SGPP2: variants seen among roughly 807,000 people sequenced by gnomAD.
SGPP2 encodes the protein sphingosine 1-phosphate phosphohydrolase 2.
A neutral mutation model predicts 33.9 loss-of-function variants in SGPP2; 30 were observed. The ratio of observed to expected loss-of-function variants is 0.89; its 90% CI spans 0.66 to 1.20. SGPP2 has a LOEUF of 1.20. Ranked by LOEUF, SGPP2 falls within the 50% of genes most tolerant of loss-of-function variation. The pLI, the probability that SGPP2 is intolerant of heterozygous loss-of-function variation, is 0.00. For missense variants in SGPP2, 458 were observed against 532.1 expected, an observed-to-expected ratio of 0.86 and a Z score of 1.37; for synonymous variants, 233 against 225.0, an observed-to-expected ratio of 1.04 and a Z score of -0.32.
At chr2:222,539,951 G>T (rs573575912) in intron 4 of SGPP2, among the ~76,000 whole-genome samples, 1 of 152,144 alleles carries the variant, frequency 6.6e-6, no homozygotes, top group South Asian at 2.1e-4. Flanking sequence ...GGGCTTCCTA[G>T]GAAAAATGAC....
intron 4 of SGPP2, among the ~76,000 whole-genome samples, chr2:222,543,865 C>T (rs1384840628): frequency 6.6e-6 from 1 of 152,176 alleles, no homozygotes; most frequent in African/African-American, 2.4e-5. Flanking sequence ...TTTTCATTTT[C>T]TCCAATGCTG....
chr2:222,476,687 G>A lies in SGPP2; in HGVS notation c.378+1961G>A, dbSNP rs1484650305. 6.6e-6 allele frequency among the ~76,000 whole-genome samples: 1 copy of A among 151,734 alleles called. No homozygotes were observed. Among genetic ancestry groups the A allele is most frequent in the Non-Finnish European group, 1.5e-5 (1 of 67,930 alleles). On this transcript the variant is annotated intron_variant, in intron 2 of 4. Coordinates refer to ENST00000321276, the MANE Select transcript of SGPP2 (RefSeq NM_152386.4). This position sits in a 1 kb window ranked among gnomAD's most constrained non-coding sequence, Gnocchi z 4.3. ...GTCGTTTATTTTCTAAGATGTGTGTGTGTGCGTGTGTAAGGTATAACTGTA... is the reference window on the plus strand; with the variant it reads ...GTCGTTTATTTTCTAAGATGTGTGTATGTGCGTGTGTAAGGTATAACTGTA...
At position 222,559,171 on chromosome 2, in the gene SGPP2, C is replaced by A. The variant is rs878995471; in HGVS notation, c.*273C>A. ...AAAGGCACACACCGCGCCCCCCCCCCCCCCGCCCGGCCCCTGCTCCTCTCG... is the reference window on the plus strand; with the variant it reads ...AAAGGCACACACCGCGCCCCCCCCCACCCCGCCCGGCCCCTGCTCCTCTCG... On this transcript the variant is annotated 3_prime_UTR_variant, in exon 5 of 5. Transcript: ENST00000321276. 0.056 allele frequency: 5,606 copies of A among 99,932 alleles called. 501 individuals carry two copies. The highest frequency in any genetic ancestry group is 0.08 in the African/African-American group (1,715 of 21,366). The allele number at this position is 99,932 out of a possible 1,614,324, so 6.2% of individuals were successfully genotyped here.
intron 2 of SGPP2, among the ~76,000 whole-genome samples, chr2:222,515,326 C>A (rs971042570): frequency 2.0e-5 from 3 of 152,014 alleles, no homozygotes; most frequent in African/African-American, 7.2e-5. Flanking sequence ...AAATATTGAA[C>A]CACTTTTTTT....
chr2:222,561,548 A>G lies in SGPP2; in HGVS notation c.*2650A>G, dbSNP rs985278395. On this transcript the variant is annotated 3_prime_UTR_variant, in exon 5 of 5. Coordinates refer to ENST00000321276, the MANE Select transcript of SGPP2 (RefSeq NM_152386.4). Reference sequence around the variant, plus strand: ...TATATATCATTTTATATATATATATATATCATATACATAATTTTTACTGCT... The same window carrying G: ...TATATATCATTTTATATATATATATGTATCATATACATAATTTTTACTGCT... Among the ~76,000 whole-genome samples the G allele has an allele frequency of 6.7e-6, 1 of 149,068 alleles. No homozygotes were observed. The highest frequency in any genetic ancestry group is 1.5e-5 in the Non-Finnish European group (1 of 67,456).
rs1440120752 is a variant in SGPP2 at position 222,558,646 on chromosome 2, C to T, written c.948C>T (p.Leu316=). 3 of 1,614,176 alleles carry T rather than the reference C, an allele frequency of 1.9e-6. No homozygotes were observed. The highest frequency in any genetic ancestry group is 2.2e-5 in the South Asian group (2 of 91,078). ...CTGTTATTCAGAACATCCCACCACT[C>T]ACCACCTACATGTTAGTTTTGGGTC... The part of the protein sequence containing the change: ...SLPVIQNIPP[L]TTYMLVLGLT... Residue 316 remains leucine, a synonymous_variant, in exon 5 of 5, where the codon CTC becomes CTT. Coordinates refer to ENST00000321276, the MANE Select transcript of SGPP2 (RefSeq NM_152386.4).
At chr2:222,481,393 G>C (rs539229013) in intron 2 of SGPP2, among the ~76,000 whole-genome samples, 1 of 151,828 alleles carries the variant, frequency 6.6e-6, no homozygotes, top group South Asian at 2.1e-4. Flanking sequence ...TTTTTAAAAG[G>C]GGCTTTCATT....
chr2:222,559,461 T>TTTTTA lies in SGPP2; in HGVS notation c.*567_*568insATTTT, dbSNP rs1689495588. On this transcript the variant is annotated 3_prime_UTR_variant, in exon 5 of 5. Coordinates refer to ENST00000321276, the MANE Select transcript of SGPP2 (RefSeq NM_152386.4). ...ACTTCCTTATCGTTTATTTGGTGAT[T>TTTTTA]TTTTGTTTTGTTTTGTTTGAGACAG... The TTTTTA allele has an allele frequency of 6.4e-6, 1 of 155,148 alleles. No individual in the cohort carries two copies. Among genetic ancestry groups the TTTTTA allele is most frequent in the Non-Finnish European group, 1.4e-5 (1 of 70,044 alleles). The allele number at this position is 155,148 out of a possible 1,614,324, so 9.6% of individuals were successfully genotyped here.
rs753641700 is a variant in SGPP2, at chr2:222,558,396, A to G, written c.698A>G (p.Tyr233Cys). ...ACCGCACTCCTCATCGTCCTCACCT[A>G]CCCTGCCTGGACCTTCATCGACTGC... is the stretch of plus-strand genomic sequence containing the variant. The part of the protein sequence containing the change: ...LITALLIVLT[Y>C]PAWTFIDCLD... The change falls in exon 5 of 5, where the codon TAC becomes TGC. Residue 233 changes from tyrosine to cysteine, a missense_variant. Tyr to Cys is a radical substitution (Grantham distance 194). Transcript: ENST00000321276. The G allele has an allele frequency of 6.2e-7, 1 of 1,613,908 alleles. No homozygotes were observed. Among genetic ancestry groups the G allele is most frequent in the Non-Finnish European group, 8.5e-7 (1 of 1,179,970 alleles).
chr2:222,466,831 A>G (rs891227681), intron 1 of SGPP2, among the ~76,000 whole-genome samples: 3 of 152,202 alleles, frequency 2.0e-5, no homozygotes, highest in African/African-American at 7.2e-5. Flanking sequence ...TTTCTGCATC[A>G]TCAGTCAGTC....
At chr2:222,532,389 T>G (rs184709655) in intron 4 of SGPP2, among the ~76,000 whole-genome samples, 1 of 152,324 alleles carries the variant, frequency 6.6e-6, no homozygotes, top group African/African-American at 2.4e-5. Flanking sequence ...TCCCGCCTCT[T>G]AGGAAGTCAC....
In SGPP2 at chr2:222,562,318, C is replaced by G. The variant is rs556498588; in HGVS notation, c.*3420C>G. Among the ~76,000 whole-genome samples, 5 of 152,164 alleles carry G rather than the reference C, an allele frequency of 3.3e-5. No homozygotes were observed. Among genetic ancestry groups the G allele is most frequent in the African/African-American group, 9.7e-5 (4 of 41,434 alleles). On this transcript the variant is annotated 3_prime_UTR_variant, in exon 5 of 5. Coordinates refer to ENST00000321276, the MANE Select transcript of SGPP2 (RefSeq NM_152386.4). ...ATGCCAGTTTTGCTCAAACCTGCACCGTCACAAGATATTCAGAAGATGAAA... is the reference window on the plus strand; with the variant it reads ...ATGCCAGTTTTGCTCAAACCTGCACGGTCACAAGATATTCAGAAGATGAAA...
chr2:222,473,816 C>T (rs984596907), intron 1 of SGPP2, among the ~76,000 whole-genome samples: 6 of 151,258 alleles, frequency 4.0e-5, no homozygotes, highest in African/African-American at 1.2e-4. Flanking sequence ...CCCAGCTACT[C>T]GGGAGGCTGA....
chr2:222,450,474 A>G (rs1242057599), intron 1 of SGPP2, among the ~76,000 whole-genome samples: 1 of 152,228 alleles, frequency 6.6e-6, no homozygotes. Flanking sequence ...TATGGATATC[A>G]TTGCAGAAAT....
chr2:222,529,770 T>C (rs1698813217), intron 4 of SGPP2, among the ~76,000 whole-genome samples: 1 of 152,220 alleles, frequency 6.6e-6, no homozygotes, highest in Non-Finnish European at 1.5e-5. Flanking sequence ...CCCATGAACA[T>C]GAATCACAAA....
At chr2:222,471,139 C>A (rs1025263174) in intron 1 of SGPP2, among the ~76,000 whole-genome samples, 3 of 152,050 alleles carry the variant, frequency 2.0e-5, no homozygotes, top group Non-Finnish European at 4.4e-5. Flanking sequence ...GGTGGGAGAC[C>A]CCTTTTTAGA....
chr2:222,520,404 C>T (rs929718056), intron 2 of SGPP2, among the ~76,000 whole-genome samples: 4 of 152,054 alleles, frequency 2.6e-5, no homozygotes, highest in Non-Finnish European at 5.9e-5. Context: ...AATATGTCTT[C>T]GTTAATGACC....
chr2:222,535,155 T>A (rs1466979937), intron 4 of SGPP2, among the ~76,000 whole-genome samples: 1 of 150,098 alleles, frequency 6.7e-6, no homozygotes, highest in Non-Finnish European at 1.5e-5. Flanking sequence ...GGCGGGCAGA[T>A]CACCTGAGGT....
At chr2:222,513,287 G>A (rs990377108) in intron 2 of SGPP2, among the ~76,000 whole-genome samples, 5 of 152,186 alleles carry the variant, frequency 3.3e-5, no homozygotes, top group African/African-American at 1.2e-4. Context: ...AATTCTGCCA[G>A]ACCCAGTACT....
Sources: gnomAD v4.1 joint callset for allele counts (sites outside exome capture counted in the v4.1 genomes callset) on GRCh38, gnomAD v4.1.1 for gene constraint, Gnocchi (gnomAD v3.1) non-coding constraint, MANE v1.5 for transcripts, NCBI Gene and HGNC (gene_info 2026-07-23, HGNC 2026-07-21) for gene names.